C5: variants seen among roughly 807,000 people sequenced by gnomAD.
C5 encodes complement C5, also known as C3 and PZP-like alpha-2-macroglobulin domain-containing protein 4.
In C5, 140 loss-of-function variants were observed where a neutral mutation model predicts 218.8. The ratio of observed to expected loss-of-function variants is 0.64; its 90% CI spans 0.56 to 0.74. The LOEUF (loss-of-function observed/expected upper bound fraction) is 0.74. Among genes scored for constraint, C5 ranks in the 30% least tolerant of loss-of-function variants. The pLI, the probability that C5 is intolerant of heterozygous loss-of-function variation, is 0.00. For synonymous variants in C5, 614 were observed against 682.3 expected (o/e 0.90, Z 1.56); for missense variants, 1,700 against 1,969.6 (o/e 0.86, Z 2.59).
At chr9:120,959,188 A>C (rs2046807672) in intron 38 of C5, among the ~76,000 whole-genome samples, 1 of 152,078 alleles carries the variant, frequency 6.6e-6, no homozygotes, top group African/African-American at 2.4e-5. Context: ...AAAGTACCAA[A>C]TTGGCTGTGT....
At chr9:121,002,244 G>GTA (rs1200226286) in intron 20 of C5, among the ~76,000 whole-genome samples, 5 of 45,130 alleles carry the variant, frequency 1.1e-4, no homozygotes, top group South Asian at 3.4e-3. Context: ...ATATGTATAT[G>GTA]TATATATATG....
the C5 span, among the ~76,000 whole-genome samples, chr9:121,062,106 C>T: frequency 1.3e-5 from 2 of 152,098 alleles, no homozygotes; most frequent in Non-Finnish European, 2.9e-5. Context: ...CATCTTTCTG[C>T]ACTCAAAACA....
At chr9:120,963,778 GAAT>G (rs755476557) in intron 33 of C5, 40 bp from the exon 34 acceptor site, 3 of 1,441,896 alleles carry the variant, frequency 2.1e-6, no homozygotes, top group Admixed American at 1.7e-5. Context: ...ATAAATAAGT[GAAT>G]AAGAGTCTTT....
intron 3 of C5, among the ~76,000 whole-genome samples, chr9:121,039,748 A>G (rs2047560607): frequency 6.6e-6 from 1 of 152,198 alleles, no homozygotes; most frequent in African/African-American, 2.4e-5. Context: ...TCCTGGGTTC[A>G]TGCCATTCTC....
intron 20 of C5, among the ~76,000 whole-genome samples, chr9:121,001,945 A>C (rs1176889639): frequency 1.3e-5 from 2 of 152,012 alleles, no homozygotes; most frequent in African/African-American, 4.8e-5. Flanking sequence ...TATAATAGTG[A>C]AAACCTGTAA....
chr9:120,963,527 T>G (rs1302447835), intron 34 of C5, 109 bp downstream of exon 34: 10 of 806,338 alleles, frequency 1.2e-5, no homozygotes, highest in South Asian at 4.8e-5. Flanking sequence ...ATATTCTGGG[T>G]GATTCTATAA....
chr9:121,011,252 A>T (rs546760294), intron 17 of C5, among the ~76,000 whole-genome samples: 1 of 152,312 alleles, frequency 6.6e-6, no homozygotes, highest in South Asian at 2.1e-4. Flanking sequence ...TAACAAGAAT[A>T]TATAAGGAGT....
At chr9:120,956,657 A>G (rs1380910608) in intron 39 of C5, among the ~76,000 whole-genome samples, 1 of 152,218 alleles carries the variant, frequency 6.6e-6, no homozygotes, top group Non-Finnish European at 1.5e-5. Flanking sequence ...ATTTCAAACT[A>G]TATTACAAGG....
intron 23 of C5, among the ~76,000 whole-genome samples, chr9:120,990,513 G>A (rs1652129328): frequency 6.6e-6 from 1 of 152,198 alleles, no homozygotes; most frequent in African/African-American, 2.4e-5. Context: ...ATTAGGTTAT[G>A]ATGGCTCCAC....
In C5 at chr9:120,960,302, T is replaced by C. The variant is rs780446514; in HGVS notation, c.4624A>G (p.Thr1542Ala). The C allele has an allele frequency of 6.8e-6, 11 of 1,613,484 alleles. No homozygotes were observed. The highest frequency in any genetic ancestry group is 9.3e-6 in the Non-Finnish European group (11 of 1,179,802). ...CGQMQEELDL[T>A]ISAETRKQTA... ...TGTTTTCTTGTCTCTGCAGAGATTG[T>C]CAGATCCAATTCTTCCTGCATTTGC... The change falls in exon 38 of 41, where the codon ACA becomes GCA. Residue 1542 changes from threonine to alanine, a missense_variant. By Grantham distance (58) the Thr-to-Ala change is moderately conservative (BLOSUM62 0). Transcript: ENST00000223642.
chr9:120,991,223 T>C lies in C5; in HGVS notation c.2909A>G (p.Lys970Arg). 1.2e-6 allele frequency: 2 copies of C among 1,609,468 alleles called. No individual in the cohort carries two copies. The highest frequency in any genetic ancestry group is 1.7e-6 in the Non-Finnish European group (2 of 1,175,756). ...PYRIPLDLVPKTEIKRILSVK... is the reference protein window; with the variant it reads ...PYRIPLDLVPRTEIKRILSVK... ...ACTCAAAATCCTTTTGATTTCTGTT[T>C]TGGGGACCAAATCTAAGGGTATCCT... The change falls in exon 23 of 41, where the codon AAA becomes AGA. Residue 970 changes from lysine (K) to arginine (R), a missense_variant. Lys to Arg is a conservative substitution (Grantham distance 26). Transcript: ENST00000223642.
intron 17 of C5, among the ~76,000 whole-genome samples, chr9:121,008,921 C>A (rs1437250937): frequency 2.1e-5 from 3 of 142,334 alleles, no homozygotes; most frequent in Non-Finnish European, 1.5e-5. Flanking sequence ...CAGAGAGAGA[C>A]TCTGTCACAA....
intron 39 of C5, among the ~76,000 whole-genome samples, 193 bp from the exon 40 acceptor site, chr9:120,954,061 T>A (rs1419156610): frequency 6.6e-6 from 1 of 152,242 alleles, no homozygotes; most frequent in Non-Finnish European, 1.5e-5. Flanking sequence ...TGCTGCTTCC[T>A]GGCTATGTGA....
chr9:121,052,967 G>T (rs372615925), upstream of C5, among the ~76,000 whole-genome samples: 13 of 152,214 alleles, frequency 8.5e-5, no homozygotes, highest in African/African-American at 3.1e-4. Context: ...ATATTAATGG[G>T]TTGTAAATTT....
chr9:121,004,799 T>TA (rs2047202916), intron 20 of C5, among the ~76,000 whole-genome samples: 1 of 152,096 alleles, frequency 6.6e-6, no homozygotes, highest in South Asian at 2.1e-4. Context: ...TTTGAGCATT[T>TA]AAAAAATTGA....
At chr9:121,038,346 G>A (rs1472658459) in intron 3 of C5, among the ~76,000 whole-genome samples, 1 of 152,156 alleles carries the variant, frequency 6.6e-6, no homozygotes, top group African/African-American at 2.4e-5. Flanking sequence ...ATAATATATT[G>A]TCTCAGAGTT....
chr9:120,990,209 AG>A (rs1435685994), intron 23 of C5, among the ~76,000 whole-genome samples: 2 of 152,204 alleles, frequency 1.3e-5, no homozygotes, highest in Non-Finnish European at 1.5e-5. Context: ...ATCCAACAGC[AG>A]GGTTGCACAT....
At position 121,020,179 on chromosome 9, in the gene C5, C is replaced by T; in HGVS notation, c.1303G>A (p.Val435Ile). The change falls in exon 12 of 41, where the codon GTC becomes ATC. Residue 435 changes from valine to isoleucine, a missense_variant and splice_region_variant. Val to Ile is a conservative substitution (Grantham distance 29). Coordinates refer to ENST00000223642, the MANE Select transcript of C5 (RefSeq NM_001735.3). ...PSGVTVLEFN[V>I]KTDAPDLPEE... is the part of the protein sequence containing the mutation. ...GGAAGATCTGGAGCATCAGTTTTGA[C>T]CTGAAAAGAGAAATTTCAAAAAGAC... The T allele has an allele frequency of 6.2e-7, 1 of 1,612,716 alleles. No individual in the cohort carries two copies. Among genetic ancestry groups the T allele is most frequent in the South Asian group, 1.1e-5 (1 of 91,054 alleles).
chr9:120,976,732 G>T lies in C5; in HGVS notation c.3832C>A (p.Gln1278Lys), dbSNP rs757725258. Residue 1278 changes from glutamine (Q) to lysine (K), a missense_variant, in exon 29 of 41, where the codon CAG (glutamine) becomes AAG (lysine). Gln to Lys is a moderately conservative substitution (Grantham distance 53). Transcript: ENST00000223642. ...GAATAAAAGCCACCTCCATACCTCT[G>T]CTCTTCTGATAGCCATTTGATGACT... ...NPVIKWLSEE[Q>K]RYGGGFYSTQ... 6.2e-7 allele frequency: 1 copy of T among 1,614,084 alleles called. No homozygotes were observed. The highest frequency in any genetic ancestry group is 8.5e-7 in the Non-Finnish European group (1 of 1,179,998).
Sources: gnomAD v4.1 joint callset for allele counts (sites outside exome capture counted in the v4.1 genomes callset) on GRCh38, gnomAD v4.1.1 for gene constraint, MANE v1.5 for transcripts, NCBI Gene and HGNC (gene_info 2026-07-23, HGNC 2026-07-21) for gene names.